Variants in FARS2 observed in about 807,000 individuals in gnomAD.
The protein encoded by FARS2 is phenylalanyl-tRNA synthetase 2, mitochondrial.
In FARS2, 40 loss-of-function variants were observed where a neutral mutation model predicts 46.4. The ratio of observed to expected loss-of-function variants is 0.86; its 90% confidence interval spans 0.67 to 1.12. FARS2 has a LOEUF of 1.12. FARS2 is among the 50% of genes most tolerant of loss of function. The pLI is 0.00. For synonymous variants in FARS2, 234 were observed against 214.9 expected (o/e 1.09, Z -0.78); for missense variants, 513 against 567.9 (o/e 0.90, Z 0.98).
chr6:5,543,712 A>G (rs1443496945), intron 4 of FARS2, among the ~76,000 whole-genome samples: 1 of 152,074 alleles, frequency 6.6e-6, no homozygotes, highest in Non-Finnish European at 1.5e-5. Context: ...AATGAGAACA[A>G]AATGTTTCTT....
At chr6:5,634,261 G>A (rs1776433330) in intron 6 of FARS2, among the ~76,000 whole-genome samples, 1 of 152,106 alleles carries the variant, frequency 6.6e-6, no homozygotes, top group Admixed American at 6.5e-5. Context: ...TACAATAAGT[G>A]AATCTTTTAC....
chr6:5,273,660 G>A (rs1581664726), intron 1 of FARS2, among the ~76,000 whole-genome samples: 1 of 152,142 alleles, frequency 6.6e-6, no homozygotes, highest in African/African-American at 2.4e-5. Context: ...TTTGCTTACA[G>A]AAGCGTTTTT....
intron 5 of FARS2, among the ~76,000 whole-genome samples, chr6:5,577,346 G>C (rs1273127143): frequency 2.8e-5 from 3 of 106,792 alleles, no homozygotes; most frequent in African/African-American, 1.0e-4. Flanking sequence ...ACTGAAAATA[G>C]AGAGAGAGTG....
rs370428478 is a variant in FARS2, at chr6:5,304,349, CAT to C, written c.-22+42690_-22+42691del. ...ATTAATTATTTAACTCTGTTGTTGACATGTGCGTTACTTCCAACTTTTTACAG... is the reference window on the plus strand; with the variant it reads ...ATTAATTATTTAACTCTGTTGTTGACGTGCGTTACTTCCAACTTTTTACAG... On this transcript the variant is annotated intron_variant, in intron 1 of 6. Transcript: ENST00000274680. Among the ~76,000 whole-genome samples, 690 of 152,318 alleles carry C rather than the reference CAT, an allele frequency of 4.5e-3. 3 individuals are homozygous for C. The highest frequency in any genetic ancestry group is 0.016 in the African/African-American group (661 of 41,558).
chr6:5,350,698 A>G (rs1757522064), intron 1 of FARS2, among the ~76,000 whole-genome samples: 1 of 152,198 alleles, frequency 6.6e-6, no homozygotes, highest in Admixed American at 6.5e-5. Flanking sequence ...ATGTATATAT[A>G]TCAATACCAT....
At chr6:5,293,261 G>A (rs1005094847) in intron 1 of FARS2, among the ~76,000 whole-genome samples, 2 of 152,142 alleles carry the variant, frequency 1.3e-5, no homozygotes, top group African/African-American at 4.8e-5. Flanking sequence ...ATGAAGGGAG[G>A]TTTGTCAAGA....
At chr6:5,401,501 A>G (rs1456529207) in intron 2 of FARS2, among the ~76,000 whole-genome samples, 2 of 152,178 alleles carry the variant, frequency 1.3e-5, no homozygotes, top group Non-Finnish European at 1.5e-5. Flanking sequence ...ACAATTGGAT[A>G]TTAGTCTTTC....
At chr6:5,678,424 A>G (rs1365264702) in intron 6 of FARS2, among the ~76,000 whole-genome samples, 2 of 152,168 alleles carry the variant, frequency 1.3e-5, no homozygotes, top group Non-Finnish European at 2.9e-5. Flanking sequence ...GCCTCCTGGA[A>G]GAGGGTACTT....
At chr6:5,672,943 G>A (rs1438607347) in intron 6 of FARS2, among the ~76,000 whole-genome samples, 1 of 152,166 alleles carries the variant, frequency 6.6e-6, no homozygotes, top group African/African-American at 2.4e-5. Flanking sequence ...CCCTCTTTCT[G>A]TGACACCCTA....
At chr6:5,496,543 G>C (rs79062083) in intron 4 of FARS2, among the ~76,000 whole-genome samples, 1,933 of 152,258 alleles carry the variant, frequency 0.013, 43 homozygotes, top group African/African-American at 0.044. Context: ...TAGTTCTGGA[G>C]GCTACAAATC....
chr6:5,700,877 GCACTCCTCTGT>G (rs1315696045), intron 6 of FARS2, among the ~76,000 whole-genome samples: 2 of 152,152 alleles, frequency 1.3e-5, no homozygotes, highest in Non-Finnish European at 2.9e-5. Context: ...GTTTGGGGGA[GCACTCCTCTGT>G]CACTACAGCA....
At chr6:5,433,939 T>A (rs1428678335) in intron 4 of FARS2, among the ~76,000 whole-genome samples, 2 of 152,214 alleles carry the variant, frequency 1.3e-5, no homozygotes, top group Non-Finnish European at 1.5e-5. Flanking sequence ...CAAGTCATTA[T>A]TGCACGTTAA....
intron 1 of FARS2, chr6:5,272,370 T>C (rs1766020121): frequency 6.6e-6 from 1 of 152,180 alleles, no homozygotes; most frequent in South Asian, 2.1e-4. Flanking sequence ...TTTTCTTTTT[T>C]CTTTCCAAAA....
intron 2 of FARS2, among the ~76,000 whole-genome samples, chr6:5,370,357 G>A (rs1044055865): frequency 1.3e-5 from 2 of 151,844 alleles, no homozygotes; most frequent in African/African-American, 4.8e-5. Context: ...GGATCTCGGG[G>A]GATCTCAAAT....
intron 5 of FARS2, among the ~76,000 whole-genome samples, chr6:5,593,173 A>G (rs1332127968): frequency 6.6e-6 from 1 of 152,080 alleles, no homozygotes; most frequent in Admixed American, 6.6e-5. Flanking sequence ...GACAGAACAG[A>G]CAGGATCCTG....
chr6:5,420,939 G>T (rs1181684734), intron 3 of FARS2, among the ~76,000 whole-genome samples: 1 of 102,130 alleles, frequency 9.8e-6, no homozygotes, highest in Non-Finnish European at 2.1e-5. Flanking sequence ...GTCTGGAGGG[G>T]TCTGGAGGAC....
At chr6:5,278,274 G>A (rs1165542387) in intron 1 of FARS2, among the ~76,000 whole-genome samples, 1 of 152,186 alleles carries the variant, frequency 6.6e-6, no homozygotes, top group African/African-American at 2.4e-5. Context: ...ACATTGCAAA[G>A]ATTCAGAACA....
chr6:5,305,886 A>G (rs1768665999), intron 1 of FARS2, among the ~76,000 whole-genome samples: 1 of 152,198 alleles, frequency 6.6e-6, no homozygotes, highest in Non-Finnish European at 1.5e-5. Flanking sequence ...GGGTATGAAG[A>G]TTTATACTGA....
chr6:5,308,416 A>C (rs1768870565), intron 1 of FARS2, among the ~76,000 whole-genome samples: 1 of 152,238 alleles, frequency 6.6e-6, no homozygotes, highest in African/African-American at 2.4e-5. Flanking sequence ...TGGGGAAGCC[A>C]AGGCAAGAGG....
Sources: gnomAD v4.1 joint callset for allele counts (sites outside exome capture counted in the v4.1 genomes callset) on GRCh38, gnomAD v4.1.1 for gene constraint, MANE v1.5 for transcripts, NCBI Gene and HGNC (gene_info 2026-07-23, HGNC 2026-07-21) for gene names.